FLRT2: variants seen among roughly 807,000 people sequenced by gnomAD.
FLRT2 encodes the protein leucine-rich repeat transmembrane protein FLRT2.
A neutral mutation model predicts 40.0 loss-of-function variants in FLRT2; 15 were observed. The ratio of observed to expected loss-of-function variants is 0.38; its 90% CI spans 0.25 to 0.58. The LOEUF (loss-of-function observed/expected upper bound fraction) is 0.58, where lower values mean the gene tolerates loss of function less well. Ranked by LOEUF, FLRT2 falls within the 20% of genes least tolerant of loss-of-function variation. The probability of loss-of-function intolerance (pLI) is 0.71; values close to 1 mark genes in which losing one functional copy is unlikely to be tolerated. For synonymous variants in FLRT2, 380 were observed against 336.8 expected (o/e 1.13, Z -1.41); for missense variants, 726 against 840.0 (o/e 0.86, Z 1.68).
intron 1 of FLRT2, chr14:85,561,379 C>T (rs972442388): frequency 3.9e-5 from 6 of 152,096 alleles, no homozygotes; most frequent in African/African-American, 7.2e-5. Context: ...AGATTATATC[C>T]GCTAGACATT....
chr14:85,606,672 G>T (rs928157399), intron 1 of FLRT2, among the ~76,000 whole-genome samples: 1 of 150,872 alleles, frequency 6.6e-6, no homozygotes, highest in African/African-American at 2.4e-5. Context: ...TTACAGGCAC[G>T]CACCACCACG....
chr14:85,565,811 C>T (rs1481812713), intron 1 of FLRT2, among the ~76,000 whole-genome samples: 1 of 152,094 alleles, frequency 6.6e-6, no homozygotes, highest in East Asian at 1.9e-4. Flanking sequence ...CCAATTGAAT[C>T]CATGGGGCCT....
chr14:85,599,785 A>G (rs1892304907), intron 1 of FLRT2, among the ~76,000 whole-genome samples: 1 of 151,854 alleles, frequency 6.6e-6, no homozygotes, highest in South Asian at 2.1e-4. Context: ...CGTGTATTTT[A>G]CAGGTGAAGA....
intron 1 of FLRT2, among the ~76,000 whole-genome samples, chr14:85,567,991 C>G (rs1277594908): frequency 6.6e-6 from 1 of 152,004 alleles, no homozygotes; most frequent in Non-Finnish European, 1.5e-5. Context: ...CCCCTAGAAA[C>G]AGCATGACTT....
chr14:85,611,706 C>T (rs554652646), intron 1 of FLRT2, among the ~76,000 whole-genome samples: 2 of 152,094 alleles, frequency 1.3e-5, no homozygotes, highest in Non-Finnish European at 2.9e-5. Context: ...TCATTTCAAG[C>T]GTAGGATTCT....
intron 1 of FLRT2, among the ~76,000 whole-genome samples, chr14:85,608,624 A>G (rs549179805): frequency 1.3e-5 from 2 of 152,170 alleles, no homozygotes; most frequent in Non-Finnish European, 2.9e-5. Flanking sequence ...TAGTAACTCT[A>G]GCAATATTCG....
chr14:85,598,290 A>T (rs556623764), intron 1 of FLRT2, among the ~76,000 whole-genome samples: 6 of 152,318 alleles, frequency 3.9e-5, no homozygotes, highest in African/African-American at 1.2e-4. Context: ...ATGACAGAGG[A>T]AGTGTTGGGA....
rs889320961 is a variant in FLRT2, at chr14:85,647,196, G to A, written c.*23699G>A. The stretch of plus-strand genomic sequence containing the variant: ...TATATATAGCATGTTATGAATGTTA[G>A]GCATATTTTGGTCTTTCCTTTCTAT... On this transcript the variant is annotated 3_prime_UTR_variant, in exon 2 of 2. Transcript: ENST00000330753. 6.6e-6 allele frequency: 1 copy of A among 151,998 alleles called. No individual in the cohort carries two copies. The highest frequency in any genetic ancestry group is 2.4e-5 in the African/African-American group (1 of 41,368). The allele number at this position is 151,998 out of a possible 1,614,324, so 9.4% of individuals were successfully genotyped here. A position where few individuals can be genotyped will look rare whatever the true frequency, so the allele number is the denominator to read the frequency against.
chr14:85,571,738 G>A (rs759055107), intron 1 of FLRT2, among the ~76,000 whole-genome samples: 4 of 152,008 alleles, frequency 2.6e-5, no homozygotes, highest in African/African-American at 4.8e-5. Flanking sequence ...GACCTTTTTC[G>A]CTCATCAAGT....
chr14:85,635,082 ACATGTTT>A lies in FLRT2; in HGVS notation c.*11587_*11593del, dbSNP rs1228220435. 6.6e-6 allele frequency: 1 copy of A among 152,204 alleles called. No homozygotes were observed. Among genetic ancestry groups the A allele is most frequent in the Non-Finnish European group, 1.5e-5 (1 of 68,024 alleles). The allele number at this position is 152,204 out of a possible 1,614,324, so 9.4% of individuals were successfully genotyped here. A position where few individuals can be genotyped will look rare whatever the true frequency, so the allele number is the denominator to read the frequency against. On this transcript the variant is annotated 3_prime_UTR_variant, in exon 2 of 2. Transcript: ENST00000330753. ...TTCATTGACTTAAGTATAAAGACTA[ACATGTTT>A]CTCATTAGTTATAATAACCTTAAAC...
intron 1 of FLRT2, among the ~76,000 whole-genome samples, chr14:85,555,591 C>T (rs559206676): frequency 2.6e-5 from 4 of 151,092 alleles, no homozygotes; most frequent in Admixed American, 6.6e-5. Flanking sequence ...CTCCCATAAC[C>T]GGTGGTAATT....
chr14:85,576,331 C>T (rs957446604), intron 1 of FLRT2, among the ~76,000 whole-genome samples: 2 of 152,094 alleles, frequency 1.3e-5, no homozygotes, highest in African/African-American at 4.8e-5. Context: ...TCTTCTGATG[C>T]CTCAAAGTAT....
intron 1 of FLRT2, among the ~76,000 whole-genome samples, chr14:85,535,626 G>A (rs1019843721): frequency 1.3e-5 from 2 of 152,182 alleles, no homozygotes; most frequent in Admixed American, 1.3e-4. Flanking sequence ...TTGCGTCTGA[G>A]AATACTACTT....
intron 1 of FLRT2, among the ~76,000 whole-genome samples, chr14:85,592,805 AAAG>A (rs1397785281): frequency 3.9e-5 from 4 of 102,106 alleles, no homozygotes; most frequent in African/African-American, 1.5e-4. Context: ...AAAAAAAAAA[AAAG>A]AAAAAAAAGA....
At chr14:85,618,637 C>T (rs937812171) in intron 1 of FLRT2, among the ~76,000 whole-genome samples, 3 of 152,012 alleles carry the variant, frequency 2.0e-5, no homozygotes, top group Admixed American at 2.0e-4. Flanking sequence ...AGACTGTCTC[C>T]CGGGGACAAA....
intron 1 of FLRT2, among the ~76,000 whole-genome samples, chr14:85,554,213 G>A (rs1889816175): frequency 6.6e-6 from 1 of 152,178 alleles, no homozygotes; most frequent in Non-Finnish European, 1.5e-5. Context: ...ATTTACTGAA[G>A]CCTCATATAC....
Position 85,621,129 on chromosome 14 carries a change from C to A in FLRT2, c.-376-10C>A, listed in dbSNP as rs1893361034. Reference sequence around the variant, plus strand: ...TAACTGACCATTTCCTCTTTTCTTTCCTGCAACAGATTGCAGATTGAGCTT... The same window carrying A: ...TAACTGACCATTTCCTCTTTTCTTTACTGCAACAGATTGCAGATTGAGCTT... On this transcript the variant is annotated splice_polypyrimidine_tract_variant and intron_variant, in intron 1 of 1. Coordinates refer to ENST00000330753, the MANE Select transcript of FLRT2 (RefSeq NM_013231.6). The A allele has an allele frequency of 4.6e-6, 1 of 216,864 alleles. No individual in the cohort carries two copies. Among genetic ancestry groups the A allele is most frequent in the East Asian group, 1.0e-4 (1 of 9,740 alleles). 13.4% of individuals were successfully genotyped at this position (216,864 alleles called of 1,614,324 possible). A position where few individuals can be genotyped will look rare whatever the true frequency, so the allele number is the denominator to read the frequency against.
chr14:85,597,051 C>T (rs1179649469), intron 1 of FLRT2, among the ~76,000 whole-genome samples: 1 of 152,162 alleles, frequency 6.6e-6, no homozygotes, highest in African/African-American at 2.4e-5. Flanking sequence ...CCAGCATTTG[C>T]TATCCAAGTT....
intron 1 of FLRT2, among the ~76,000 whole-genome samples, chr14:85,549,505 T>C (rs1181636349): frequency 6.6e-6 from 1 of 152,178 alleles, no homozygotes; most frequent in Admixed American, 6.5e-5. Flanking sequence ...AATATCCCAT[T>C]TCATAAAGAT....
Sources: allele counts gnomAD v4.1 joint callset (sites outside exome capture counted in the v4.1 genomes callset), GRCh38; gene constraint gnomAD v4.1.1; transcripts MANE v1.5; gene names NCBI Gene and HGNC (gene_info 2026-07-23, HGNC 2026-07-21).